BIN2: variants seen among roughly 807,000 people sequenced by gnomAD.
The protein encoded by BIN2 is breast cancer associated protein BRAP1.
Under a neutral mutation model 67.9 loss-of-function variants are expected in BIN2, and 43 were observed. That is an observed-to-expected ratio of 0.63 (90% confidence interval 0.50 to 0.82). The LOEUF (loss-of-function observed/expected upper bound fraction) is 0.82, where lower values mean the gene tolerates loss of function less well. BIN2 is among the 40% of genes least tolerant of loss of function. BIN2 has a pLI of 0.00. For missense variants in BIN2, 581 were observed against 671.6 expected, an observed-to-expected ratio of 0.87 and a Z score of 1.49; for synonymous variants, 244 against 246.8, an observed-to-expected ratio of 0.99 and a Z score of 0.11.
Position 51,301,988 on chromosome 12 carries a change from A to C in BIN2, c.408+32T>G, listed in dbSNP as rs577853537. Reference sequence around the variant, plus strand: ...GTTCTCTAACCTGGATGGGTCATCCACAACCCAGCCTTGATTCTGTACATT... The same window carrying C: ...GTTCTCTAACCTGGATGGGTCATCCCCAACCCAGCCTTGATTCTGTACATT... On this transcript the variant is annotated intron_variant, in intron 5 of 12. Transcript: ENST00000615107. The C allele has an allele frequency of 2.6e-6, 4 of 1,515,376 alleles. No homozygotes were observed. In the South Asian group the frequency reaches 4.5e-5, roughly 17 times the overall value. The allele number at this position is 1,515,376 out of a possible 1,614,324, so 93.9% of individuals were successfully genotyped here.
chr12:51,282,316 G>C (rs941128594), intron 12 of BIN2, among the ~76,000 whole-genome samples: 1 of 151,906 alleles, frequency 6.6e-6, no homozygotes, highest in Non-Finnish European at 1.5e-5. Flanking sequence ...GATCAACAAT[G>C]GACTCTATAT....
chr12:51,288,887 T>G (rs933737433), intron 10 of BIN2, among the ~76,000 whole-genome samples: 41 of 152,112 alleles, frequency 2.7e-4, no homozygotes, highest in African/African-American at 9.4e-4. Flanking sequence ...GTAGCTGGGA[T>G]TACGGCACAC....
chr12:51,288,655 T>A (rs1358627607), intron 10 of BIN2, among the ~76,000 whole-genome samples: 1 of 152,150 alleles, frequency 6.6e-6, no homozygotes, highest in East Asian at 1.9e-4. Flanking sequence ...GCTCAGTAAG[T>A]AATTGTAGAA....
chr12:51,323,967 G>C (rs1946361293), intron 1 of BIN2, 55 bp downstream of exon 1: 2 of 1,596,662 alleles, frequency 1.3e-6, no homozygotes, highest in Admixed American at 1.7e-5. Context: ...GGCCGGGCTC[G>C]GCCTCGGCCT....
chr12:51,322,704 G>A (rs1346917671), intron 1 of BIN2: 2 of 152,022 alleles, frequency 1.3e-5, no homozygotes, highest in East Asian at 1.9e-4. Context: ...CCTGCTCTCG[G>A]GTCTACCAGA....
Position 51,292,263 on chromosome 12 carries a change from G to C in BIN2, c.843C>G (p.Pro281=). Residue 281 remains proline (P), a synonymous_variant, in exon 10 of 13, where the codon CCC becomes CCG. Transcript: ENST00000615107. The part of the protein sequence containing the change: ...VSSPLTSPTS[P]STLSLKSESE... ...TCTCACTCTTCAAGGAAAGTGTAGA[G>C]GGACTAGTAGGTGAGGTAAGAGGAC... 3 of 1,602,760 alleles carry C rather than the reference G, an allele frequency of 1.9e-6. No individual in the cohort carries two copies. The highest frequency in any genetic ancestry group is 1.7e-4 in the Middle Eastern group (1 of 6,060).
chr12:51,296,527 T>A (rs557077197), intron 8 of BIN2, among the ~76,000 whole-genome samples: 1 of 152,096 alleles, frequency 6.6e-6, no homozygotes, highest in Non-Finnish European at 1.5e-5. Context: ...ACCTCATTTT[T>A]AATATTAACT....
chr12:51,288,026 T>C (rs1238602400), intron 11 of BIN2, 82 bp downstream of exon 11: 5 of 1,003,444 alleles, frequency 5.0e-6, no homozygotes, highest in Non-Finnish European at 7.6e-6. Context: ...CTCTGAAAGA[T>C]ATACTTCTGG....
intron 7 of BIN2, among the ~76,000 whole-genome samples, chr12:51,297,834 G>C (rs1945610762): frequency 9.2e-6 from 1 of 108,816 alleles, no homozygotes; most frequent in Non-Finnish European, 2.2e-5. Context: ...AACTATTACA[G>C]TAAGTAATTA....
intron 1 of BIN2, among the ~76,000 whole-genome samples, chr12:51,318,856 T>C (rs1226874214): frequency 6.6e-6 from 1 of 152,170 alleles, no homozygotes; most frequent in Non-Finnish European, 1.5e-5. Context: ...CTCACTGTCA[T>C]TATGTTTAGT....
At chr12:51,299,088 A>T in intron 7 of BIN2, 115 bp downstream of exon 7, 10 of 533,520 alleles carry the variant, frequency 1.9e-5, no homozygotes, top group Admixed American at 3.6e-5. Context: ...AAAAAAAAAA[A>T]GGGGGCGGGG....
intron 2 of BIN2, among the ~76,000 whole-genome samples, chr12:51,312,618 A>G (rs1053976319): frequency 2.0e-5 from 3 of 152,210 alleles, no homozygotes; most frequent in Non-Finnish European, 4.4e-5. Context: ...ACAGTGAAAC[A>G]TGATTGCCCA....
intron 5 of BIN2, among the ~76,000 whole-genome samples, chr12:51,300,090 G>A (rs1465236688): frequency 1.3e-5 from 2 of 151,852 alleles, no homozygotes; most frequent in South Asian, 2.1e-4. Flanking sequence ...TGCCCACCTC[G>A]GCCTCCCAAA....
At position 51,302,107 on chromosome 12, in the gene BIN2, A is replaced by T; in HGVS notation, c.321T>A (p.Asp107Glu). The change falls in exon 5 of 13, where the codon GAT becomes GAA. Residue 107 changes from aspartate to glutamate, a missense_variant. Coordinates refer to ENST00000615107, the MANE Select transcript of BIN2 (RefSeq NM_016293.4). ...TCTCCTCGTAGTCTTCCCAAAGGAGATCATTATTCTGTAGGATAGAGTCAG... is the reference window on the plus strand; with the variant it reads ...TCTCCTCGTAGTCTTCCCAAAGGAGTTCATTATTCTGTAGGATAGAGTCAG... ...EELKAIVWNN[D>E]LLWEDYEEKL... 1 of 1,610,326 alleles carries T rather than the reference A, an allele frequency of 6.2e-7. No individual in the cohort carries two copies. The highest frequency in any genetic ancestry group is 8.5e-7 in the Non-Finnish European group (1 of 1,176,670).
rs1317710617 is a variant in BIN2, at chr12:51,302,711, T to C, written c.287A>G (p.His96Arg). The C allele has an allele frequency of 1.2e-6, 2 of 1,614,146 alleles. No homozygotes were observed. Among genetic ancestry groups the C allele is most frequent in the South Asian group, 2.2e-5 (2 of 91,086 alleles). The stretch of plus-strand genomic sequence containing the variant: ...CCATACGATGGCCTTCAGCTCCTCA[T>C]GACCGTCCCACTCGCTGCTGTAGAT... ...QEIYSSEWDG[H>R]EELKAIVWNN... Residue 96 changes from histidine to arginine, a missense_variant, in exon 4 of 13, where the codon CAT (histidine) becomes CGT (arginine). Physicochemically the swap from His to Arg is conservative, Grantham distance 29. Transcript: ENST00000615107.
rs761805381 is a variant in BIN2, at chr12:51,291,938, G to A, written c.1168C>T (p.Arg390Ter). ...PSSSATEVVL[R>*]TRTASEGSEQ... The stretch of plus-strand genomic sequence containing the variant: ...GATCCTTCACTTGCGGTGCGGGTTC[G>A]GAGGACTACTTCTGTGGCAGATGAT... The change falls in exon 10 of 13, where the codon CGA (arginine) becomes TGA (stop). Residue 390 changes from arginine to a stop codon, truncating the protein, a stop_gained. Coordinates refer to ENST00000615107, the MANE Select transcript of BIN2 (RefSeq NM_016293.4). LOFTEE classifies it high-confidence loss of function. 10 of 1,614,148 alleles carry A rather than the reference G, an allele frequency of 6.2e-6. No individual in the cohort carries two copies. Among genetic ancestry groups the A allele is most frequent in the African/African-American group, 2.7e-5 (2 of 75,034 alleles).
At position 51,322,180 on chromosome 12, in the gene BIN2, T is replaced by C. The variant is rs913236010; in HGVS notation, c.81+1842A>G. 2.5e-4 allele frequency among the ~76,000 whole-genome samples: 38 copies of C among 152,214 alleles called. 1 individual carries two copies. The highest frequency in any genetic ancestry group is 8.9e-4 in the African/African-American group (37 of 41,450). On this transcript the variant is annotated intron_variant, in intron 1 of 12. Transcript: ENST00000615107. ...CTAATGTGACAGCTTTTCAATTTAG[T>C]GTTCTTACCATATTGAGTTTCATCA...
At chr12:51,306,888 C>A (rs1053882330) in intron 2 of BIN2, among the ~76,000 whole-genome samples, 1 of 152,074 alleles carries the variant, frequency 6.6e-6, no homozygotes, top group Non-Finnish European at 1.5e-5. Context: ...TATACAACAT[C>A]TTTTAAATGT....
At chr12:51,285,731 C>T (rs1171762730) in intron 11 of BIN2, among the ~76,000 whole-genome samples, 2 of 151,232 alleles carry the variant, frequency 1.3e-5, no homozygotes, top group Admixed American at 1.3e-4. Flanking sequence ...TCAAGCGATT[C>T]TCCTGCCTCA....
Sources: allele counts gnomAD v4.1 joint callset (sites outside exome capture counted in the v4.1 genomes callset), GRCh38; gene constraint gnomAD v4.1.1; transcripts MANE v1.5; gene names NCBI Gene and HGNC (gene_info 2026-07-23, HGNC 2026-07-21).